CHN2: variants seen among roughly 807,000 people sequenced by gnomAD.
CHN2 encodes chimerin 2.
Under a neutral mutation model 56.3 loss-of-function variants are expected in CHN2, and 35 were observed. That is an observed-to-expected ratio of 0.62 (90% CI 0.47 to 0.82). The LOEUF (loss-of-function observed/expected upper bound fraction) is 0.82, where lower values mean the gene tolerates loss of function less well. Among genes scored for constraint, CHN2 ranks in the 40% least tolerant of loss-of-function variants. CHN2 has a pLI of 0.00. For synonymous variants in CHN2, 210 were observed against 212.8 expected (o/e 0.99, Z 0.12); for missense variants, 491 against 580.5 (o/e 0.85, Z 1.58).
chr7:29,302,456 T>C (rs939074602), intron 1 of CHN2, among the ~76,000 whole-genome samples: 1 of 151,406 alleles, frequency 6.6e-6, no homozygotes, highest in Non-Finnish European at 1.5e-5. Flanking sequence ...CCTGAGTAGC[T>C]AGGAGTACAG....
chr7:29,440,136 A>G (rs1013000685), intron 6 of CHN2, among the ~76,000 whole-genome samples: 1 of 152,220 alleles, frequency 6.6e-6, no homozygotes, highest in Non-Finnish European at 1.5e-5. Flanking sequence ...AAATTCTGAA[A>G]AACAACAAAT....
intron 1 of CHN2, among the ~76,000 whole-genome samples, chr7:29,288,211 C>T (rs1254558140): frequency 6.6e-6 from 1 of 152,114 alleles, no homozygotes; most frequent in Non-Finnish European, 1.5e-5. Flanking sequence ...CCATTGGGTT[C>T]AGCAACTGCT....
At chr7:29,483,182 T>G (rs1019638351) in intron 7 of CHN2, among the ~76,000 whole-genome samples, 4 of 152,092 alleles carry the variant, frequency 2.6e-5, no homozygotes, top group African/African-American at 9.7e-5. Context: ...TTTCTCTTCT[T>G]ACCCCATAAC....
At chr7:29,473,479 T>TGTGTGTGTGTGTG (rs1401353753) in intron 6 of CHN2, among the ~76,000 whole-genome samples, 1,365 of 129,020 alleles carry the variant, frequency 0.011, 34 homozygotes, top group Admixed American at 0.067. Context: ...TGTTTTTTTT[T>TGTGTGTGTGTGTG]TTTTGTGTGT....
chr7:29,358,039 C>G (rs1459362688), intron 2 of CHN2, among the ~76,000 whole-genome samples: 1 of 152,160 alleles, frequency 6.6e-6, no homozygotes, highest in Non-Finnish European at 1.5e-5. Flanking sequence ...ACTATCAATT[C>G]TCTCATATAT....
intron 1 of CHN2, among the ~76,000 whole-genome samples, chr7:29,233,424 C>T (rs920672727): frequency 1.3e-5 from 2 of 152,166 alleles, no homozygotes; most frequent in African/African-American, 4.8e-5. Flanking sequence ...GTGCTCAAAA[C>T]AGGTGTGAAG....
chr7:29,360,557 C>CT (rs1446357828), intron 2 of CHN2, among the ~76,000 whole-genome samples: 1 of 152,190 alleles, frequency 6.6e-6, no homozygotes, highest in Non-Finnish European at 1.5e-5. Flanking sequence ...GTTAGGAAGG[C>CT]AAGGCCTTCC....
chr7:29,306,392 T>C (rs1204468012), intron 1 of CHN2, among the ~76,000 whole-genome samples: 1 of 152,190 alleles, frequency 6.6e-6, no homozygotes, highest in Non-Finnish European at 1.5e-5. Context: ...AACGCACTGA[T>C]TGAGTTGCTT....
intron 11 of CHN2, among the ~76,000 whole-genome samples, chr7:29,508,503 AAGGC>A (rs1237996092): frequency 2.6e-5 from 4 of 151,966 alleles, no homozygotes; most frequent in African/African-American, 9.7e-5. Context: ...GGGAGACACA[AAGGC>A]AGGCTGGGAT....
chr7:29,226,597 C>T lies in CHN2; in HGVS notation c.49+31607C>T, dbSNP rs112516784. On this transcript the variant is annotated intron_variant, in intron 1 of 12. Coordinates refer to ENST00000222792, the MANE Select transcript of CHN2 (RefSeq NM_004067.4). ...TCATATGCTGTTACATATATAGCAACGTAGGGAGTGGAACACTCACTCAAT... is the reference window on the plus strand; with the variant it reads ...TCATATGCTGTTACATATATAGCAATGTAGGGAGTGGAACACTCACTCAAT... Among the ~76,000 whole-genome samples the T allele has an allele frequency of 7.9e-3, 1,206 of 152,138 alleles. 16 individuals carry two copies. Among genetic ancestry groups the T allele is most frequent in the African/African-American group, 0.027 (1,132 of 41,494 alleles).
In CHN2 at chr7:29,375,190, C is replaced by CTTTTTTTT. The variant is rs70980534; in HGVS notation, c.144+7224_144+7231dup. On this transcript the variant is annotated intron_variant, in intron 3 of 12. Coordinates refer to ENST00000222792, the MANE Select transcript of CHN2 (RefSeq NM_004067.4). Reference sequence around the variant, plus strand: ...CAAGCATGAGCCACCGTGCTCGGCCCTTTTTTTTTTTTTTTTTTTTTTTTT... The same window carrying CTTTTTTTT: ...CAAGCATGAGCCACCGTGCTCGGCCCTTTTTTTTTTTTTTTTTTTTTTTTTTTTTTTTT... Among the ~76,000 whole-genome samples the CTTTTTTTT allele has an allele frequency of 3.9e-5, 3 of 77,908 alleles. 1 individual carries two copies. The highest frequency in any genetic ancestry group is 6.2e-5 in the African/African-American group (1 of 16,174). The allele number at this position is 77,908 out of a possible 152,430, so 51.1% of individuals were successfully genotyped here.
chr7:29,390,757 C>T (rs1052874473), intron 3 of CHN2, among the ~76,000 whole-genome samples: 13 of 152,096 alleles, frequency 8.5e-5, no homozygotes, highest in African/African-American at 3.1e-4. Flanking sequence ...GGAGCCTTGC[C>T]CAGGGAGTGA....
At chr7:29,466,108 A>G (rs1481458503) in intron 6 of CHN2, among the ~76,000 whole-genome samples, 1 of 152,108 alleles carries the variant, frequency 6.6e-6, no homozygotes, top group Non-Finnish European at 1.5e-5. Flanking sequence ...AGGCTGAGGC[A>G]CAAGAATCGC....
chr7:29,212,728 C>T (rs1207018887), intron 1 of CHN2: 1 of 1,607,842 alleles, frequency 6.2e-7, no homozygotes, highest in African/African-American at 1.3e-5. Flanking sequence ...AGACCTGGTT[C>T]TAGAACCAGA....
intron 2 of CHN2, among the ~76,000 whole-genome samples, chr7:29,170,986 C>T (rs1187252041): frequency 6.6e-6 from 1 of 152,112 alleles, no homozygotes; most frequent in East Asian, 1.9e-4. Context: ...GTCCCTCCCA[C>T]AACATGTCGG....
At chr7:29,444,383 A>G (rs1389294992) in intron 6 of CHN2, among the ~76,000 whole-genome samples, 1 of 152,146 alleles carries the variant, frequency 6.6e-6, no homozygotes, top group Non-Finnish European at 1.5e-5. Context: ...GAGATGGCTC[A>G]TCTCTGTTCC....
chr7:29,335,512 G>C (rs1003262641), intron 1 of CHN2, among the ~76,000 whole-genome samples: 2 of 152,194 alleles, frequency 1.3e-5, no homozygotes, highest in Non-Finnish European at 2.9e-5. Flanking sequence ...GTTATTTAGG[G>C]AACCCAAATC....
intron 5 of CHN2, chr7:29,400,120 G>A (rs1802078561): frequency 5.1e-6 from 1 of 197,046 alleles, no homozygotes; most frequent in African/African-American, 2.4e-5. Context: ...GTAATTGCCA[G>A]GTATAGAGGA....
At chr7:29,472,624 C>T (rs1399356978) in intron 6 of CHN2, among the ~76,000 whole-genome samples, 1 of 151,574 alleles carries the variant, frequency 6.6e-6, no homozygotes, top group Non-Finnish European at 1.5e-5. Flanking sequence ...TCATAAAAGT[C>T]GAAATCATTT....
Sources: allele counts gnomAD v4.1 joint callset (sites outside exome capture counted in the v4.1 genomes callset), GRCh38; gene constraint gnomAD v4.1.1; transcripts MANE v1.5; gene names NCBI Gene and HGNC (gene_info 2026-07-23, HGNC 2026-07-21).